The following PITX3 variants were observed in gnomAD, a reference collection of about 807,000 sequenced individuals.
PITX3 encodes the protein pituitary homeobox 3.
In PITX3, 4 loss-of-function variants were observed where a neutral mutation model predicts 14.2. The ratio of observed to expected loss-of-function variants is 0.28; its 90% CI spans 0.14 to 0.65. The LOEUF is 0.65. Ranked by LOEUF, PITX3 falls within the 30% of genes least tolerant of loss-of-function variation. The probability of loss-of-function intolerance (pLI) is 0.82; values close to 1 mark genes in which losing one functional copy is unlikely to be tolerated. For synonymous variants in PITX3, 194 were observed against 204.5 expected, an observed-to-expected ratio of 0.95 and a Z score of 0.44; for missense variants, 358 against 426.8, an observed-to-expected ratio of 0.84 and a Z score of 1.42.
chr10:102,230,997 C>G lies in PITX3; in HGVS notation c.426G>C (p.Pro142=). ...SFAAPLGGLV[P]PYEEVYPGYS... ...AGCCGGGGTACACCTCCTCGTAGGGCGGCACCAGCCCCCCGAGCGGCGCCG... is the reference window on the plus strand; with the variant it reads ...AGCCGGGGTACACCTCCTCGTAGGGGGGCACCAGCCCCCCGAGCGGCGCCG... Residue 142 remains proline, a synonymous_variant, in exon 4 of 4, where the codon CCG becomes CCC. Coordinates refer to ENST00000370002, the MANE Select transcript of PITX3 (RefSeq NM_005029.4). The G allele has an allele frequency of 6.2e-7, 1 of 1,600,514 alleles. No individual in the cohort carries two copies. Among genetic ancestry groups the G allele is most frequent in the Non-Finnish European group, 8.5e-7 (1 of 1,175,252 alleles).
At position 102,231,946 on chromosome 10, in the gene PITX3, G is replaced by T; in HGVS notation, c.118+17C>A. On this transcript the variant is annotated intron_variant, in intron 2 of 3. Transcript: ENST00000370002. ...GAAGCTGTTATGTCCTGCACCCCCG[G>T]AAGGGGGCGCGCTTACCGCTGTGCT... 6.3e-7 allele frequency: 1 copy of T among 1,591,894 alleles called. No individual in the cohort carries two copies. Among genetic ancestry groups the T allele is most frequent in the Non-Finnish European group, 8.6e-7 (1 of 1,163,434 alleles).
chr10:102,237,552 C>T (rs911839559), intron 1 of PITX3, among the ~76,000 whole-genome samples: 6 of 151,926 alleles, frequency 3.9e-5, no homozygotes, highest in South Asian at 4.2e-4. Context: ...CATCAAAAAC[C>T]GCTAAGATTC....
chr10:102,239,457 G>T (rs1199890735), intron 1 of PITX3, among the ~76,000 whole-genome samples: 2 of 152,206 alleles, frequency 1.3e-5, no homozygotes, highest in Non-Finnish European at 2.9e-5. Flanking sequence ...GGGAGCACAA[G>T]CCCCTGAAAA....
chr10:102,231,902 T>A (rs904091591), intron 2 of PITX3, 61 bp downstream of exon 2: 19 of 1,560,002 alleles, frequency 1.2e-5, no homozygotes, highest in Non-Finnish European at 1.7e-5. Flanking sequence ...CCAGCCGGGG[T>A]CCCACCCGCA....
At chr10:102,234,998 C>CA (rs932398098) in intron 1 of PITX3, among the ~76,000 whole-genome samples, 2 of 152,188 alleles carry the variant, frequency 1.3e-5, no homozygotes, top group African/African-American at 4.8e-5. Flanking sequence ...CACAGGCCCC[C>CA]ACTCAGACAT....
chr10:102,231,108 G>A lies in PITX3; in HGVS notation c.322-7C>T, dbSNP rs757407968. ...GCCGGTTCTTGAACCACACCTGCGG[G>A]CACGGGAGAAAGGCGGTCAGGGCCC... is the stretch of plus-strand genomic sequence containing the variant. On this transcript the variant is annotated splice_polypyrimidine_tract_variant and splice_region_variant and intron_variant, in intron 3 of 3. Coordinates refer to ENST00000370002, the MANE Select transcript of PITX3 (RefSeq NM_005029.4). 8 of 1,536,016 alleles carry A rather than the reference G, an allele frequency of 5.2e-6. No homozygotes were observed. The highest frequency in any genetic ancestry group is 7.0e-6 in the Non-Finnish European group (8 of 1,147,386).
intron 1 of PITX3, among the ~76,000 whole-genome samples, chr10:102,237,337 G>A (rs193281498): frequency 2.6e-5 from 4 of 152,216 alleles, no homozygotes; most frequent in Non-Finnish European, 5.9e-5. Context: ...AAGAGAAGGG[G>A]TATGGCATTC....
chr10:102,236,231 T>C (rs545087007), intron 1 of PITX3, among the ~76,000 whole-genome samples: 20 of 152,118 alleles, frequency 1.3e-4, no homozygotes, highest in African/African-American at 4.3e-4. Context: ...AGCTAGGGAG[T>C]TGGGACTGAG....
In PITX3 at chr10:102,232,148, C is replaced by T. The variant is rs1030046999; in HGVS notation, c.-12-56G>A. On this transcript the variant is annotated intron_variant, in intron 1 of 3. Transcript: ENST00000370002. ...AATGGGGGTAAAATCTCCGGCTTAG[C>T]TAGGTCCCAGCAGCGTTTCCTCGTA... is the stretch of plus-strand genomic sequence containing the variant. 5.5e-5 allele frequency: 54 copies of T among 982,388 alleles called. No homozygotes were observed. In the Admixed American group the frequency reaches 1.1e-3, roughly 19 times the overall value. The allele number at this position is 982,388 out of a possible 1,614,324, so 60.9% of individuals were successfully genotyped here. A position where few individuals can be genotyped will look rare whatever the true frequency, so the allele number is the denominator to read the frequency against.
chr10:102,239,301 A>G (rs989018064), intron 1 of PITX3, among the ~76,000 whole-genome samples: 2 of 152,228 alleles, frequency 1.3e-5, no homozygotes, highest in Non-Finnish European at 2.9e-5. Flanking sequence ...CTTCATTATG[A>G]TACCACCTCT....
At chr10:102,234,951 G>A (rs1247072071) in intron 1 of PITX3, among the ~76,000 whole-genome samples, 2 of 152,180 alleles carry the variant, frequency 1.3e-5, no homozygotes, top group East Asian at 3.8e-4. Flanking sequence ...TTCAGGCTGC[G>A]TGTTCCCAGA....
At chr10:102,233,207 T>C (rs3758552) in intron 1 of PITX3, among the ~76,000 whole-genome samples, 99,912 of 151,558 alleles carry the variant, frequency 0.66, 33,333 homozygotes, top group African/African-American at 0.76. Flanking sequence ...GGGACTCAGC[T>C]GCGGTTCTAG....
chr10:102,233,169 T>C (rs2070295347), intron 1 of PITX3, among the ~76,000 whole-genome samples: 1 of 152,192 alleles, frequency 6.6e-6, no homozygotes, highest in Non-Finnish European at 1.5e-5. Context: ...CACTGTGCTT[T>C]CTGGGGCCTT....
chr10:102,232,558 T>C (rs1320797322), intron 1 of PITX3, among the ~76,000 whole-genome samples: 1 of 152,042 alleles, frequency 6.6e-6, no homozygotes, highest in African/African-American at 2.4e-5. Flanking sequence ...GGCACGTGCC[T>C]GTAATCTCAG....
intron 2 of PITX3, 77 bp downstream of exon 2, chr10:102,231,886 G>C: frequency 6.4e-7 from 1 of 1,563,400 alleles, no homozygotes; most frequent in South Asian, 1.1e-5. Flanking sequence ...CTCCCACCGG[G>C]GCTGCCCAGC....
chr10:102,230,632 A>T lies in PITX3; in HGVS notation c.791T>A (p.Leu264Gln), dbSNP rs2070204498. Reference sequence around the variant, plus strand: ...TTTGGCTTTGAGCCGCAGGCTGGCCAGGCTCGAGTTACACGGGTCCCGATA... The same window carrying T: ...TTTGGCTTTGAGCCGCAGGCTGGCCTGGCTCGAGTTACACGGGTCCCGATA... ...YVYRDPCNSS[L>Q]ASLRLKAKQH... is the part of the protein sequence containing the mutation. Residue 264 changes from leucine to glutamine, a missense_variant, in exon 4 of 4, where the codon CTG becomes CAG. Coordinates refer to ENST00000370002, the MANE Select transcript of PITX3 (RefSeq NM_005029.4). 6.2e-7 allele frequency: 1 copy of T among 1,606,842 alleles called. No homozygotes were observed. Among genetic ancestry groups the T allele is most frequent in the African/African-American group, 1.3e-5 (1 of 74,856 alleles).
Position 102,234,923 on chromosome 10 carries a change from C to T in PITX3, c.-12-2831G>A, listed in dbSNP as rs1027618508. On this transcript the variant is annotated intron_variant, in intron 1 of 3. Transcript: ENST00000370002. ...AGAAGGGATATGGGCGAGGAAAAGC[C>T]GAGGCCAGAAAGCCGAGTTCAGGCT... 2.6e-5 allele frequency among the ~76,000 whole-genome samples: 4 copies of T among 152,106 alleles called. No individual in the cohort carries two copies. In the South Asian group the frequency reaches 6.2e-4, roughly 24 times the overall value.
chr10:102,230,540 G>T lies in PITX3; in HGVS notation c.883C>A (p.Gln295Lys). The change falls in exon 4 of 4, where the codon CAG becomes AAG. Residue 295 changes from glutamine (Q) to lysine (K), a missense_variant. Coordinates refer to ENST00000370002, the MANE Select transcript of PITX3 (RefSeq NM_005029.4). ...CATACGGGCCTTTCCACGGCGTACT[G>T]GCACGGACTAAGGTTGGCTGCCGGG... ...PPPAANLSPCQYAVERPV is the reference protein window; with the variant it reads ...PPPAANLSPCKYAVERPV 1 of 1,610,702 alleles carries T rather than the reference G, an allele frequency of 6.2e-7. No individual in the cohort carries two copies. The highest frequency in any genetic ancestry group is 1.1e-5 in the South Asian group (1 of 90,442).
chr10:102,240,313 A>C (rs550036351), intron 1 of PITX3, among the ~76,000 whole-genome samples: 1 of 152,094 alleles, frequency 6.6e-6, no homozygotes, highest in South Asian at 2.1e-4. Flanking sequence ...CTGTCCTCAA[A>C]TTTGGATTCT....
Sources: allele counts gnomAD v4.1 joint callset (sites outside exome capture counted in the v4.1 genomes callset), GRCh38; gene constraint gnomAD v4.1.1; transcripts MANE v1.5; gene names NCBI Gene and HGNC (gene_info 2026-07-23, HGNC 2026-07-21).